SLC2A11: variants seen among roughly 807,000 people sequenced by gnomAD.
SLC2A11 encodes solute carrier family 2 member 11.
In SLC2A11, 43 loss-of-function variants were observed where a neutral mutation model predicts 52.1. The ratio of observed to expected loss-of-function variants is 0.82; its 90% CI spans 0.65 to 1.06. The LOEUF (loss-of-function observed/expected upper bound fraction) is 1.06, where lower values mean the gene tolerates loss of function less well. Among genes scored for constraint, SLC2A11 ranks in the 50% least tolerant of loss-of-function variants. The pLI is 0.00. For synonymous variants in SLC2A11, 261 were observed against 277.6 expected, an observed-to-expected ratio of 0.94 and a Z score of 0.59; for missense variants, 582 against 654.2, an observed-to-expected ratio of 0.89 and a Z score of 1.20.
intron 2 of SLC2A11, 97 bp from the exon 3 acceptor site, chr22:23,868,384 C>T: frequency 1.4e-6 from 2 of 1,462,188 alleles, no homozygotes; most frequent in South Asian, 1.2e-5. Flanking sequence ...ATTGCCTGTT[C>T]TGCAGAGGCA....
chr22:23,862,062 A>G (rs1312931905), intron 1 of SLC2A11, 42 bp from the exon 2 acceptor site: 1 of 1,527,970 alleles, frequency 6.5e-7, no homozygotes, highest in Non-Finnish European at 9.1e-7. Context: ...GAGGGGGTGG[A>G]GGCTGTTGTT....
chr22:23,868,273 T>C (rs978054902), intron 2 of SLC2A11: 10 of 581,888 alleles, frequency 1.7e-5, no homozygotes, highest in Admixed American at 3.0e-5. Context: ...CTGAGAGATA[T>C]TGCCCATGAA....
intron 1 of SLC2A11, 53 bp downstream of exon 1, chr22:23,858,082 A>G: frequency 2.6e-6 from 4 of 1,550,888 alleles, no homozygotes; most frequent in Non-Finnish European, 3.5e-6. Flanking sequence ...GGGATTGCGG[A>G]CCTGAGTGAA....
intron 3 of SLC2A11, chr22:23,872,757 G>A (rs1276684528): frequency 1.3e-5 from 2 of 152,340 alleles, no homozygotes; most frequent in East Asian, 1.9e-4. Flanking sequence ...GCAGCAATTT[G>A]TCATGCACTT....
intron 3 of SLC2A11, among the ~76,000 whole-genome samples, chr22:23,874,831 C>G (rs1047398651): frequency 2.0e-5 from 3 of 151,190 alleles, no homozygotes; most frequent in East Asian, 1.9e-4. Context: ...GTGATCTGCC[C>G]GCTTCAACCT....
At chr22:23,868,340 CA>C in intron 2 of SLC2A11, 140 bp from the exon 3 acceptor site, 1 of 1,019,644 alleles carries the variant, frequency 9.8e-7, no homozygotes, top group Admixed American at 2.4e-5. Context: ...GTTCCTGCTC[CA>C]GGGGGAGCTC....
Position 23,885,053 on chromosome 22 carries a change from A to G in SLC2A11, c.*204A>G, listed in dbSNP as rs991296508. On this transcript the variant is annotated 3_prime_UTR_variant, in exon 12 of 12. Coordinates refer to ENST00000316185, the MANE Select transcript of SLC2A11 (RefSeq NM_001024939.4). ...AAAGGTAATTAACTGACAGAAAATCAGTAACAACATAATTACAGGCTGGTT... is the reference window on the plus strand; with the variant it reads ...AAAGGTAATTAACTGACAGAAAATCGGTAACAACATAATTACAGGCTGGTT... 1 of 574,742 alleles carries G rather than the reference A, an allele frequency of 1.7e-6. No individual in the cohort carries two copies. The highest frequency in any genetic ancestry group is 3.1e-6 in the Non-Finnish European group (1 of 324,624). 35.6% of individuals were successfully genotyped at this position (574,742 alleles called of 1,614,324 possible).
At chr22:23,857,773 C>T (rs2031902102), upstream of SLC2A11, 1 of 1,415,892 alleles carries the variant, frequency 7.1e-7, no homozygotes, top group East Asian at 2.5e-5. Context: ...TTGCGCGAAC[C>T]CTCAGCTGGT....
intron 4 of SLC2A11, among the ~76,000 whole-genome samples, chr22:23,876,129 G>C (rs1392199125): frequency 6.6e-6 from 1 of 152,120 alleles, no homozygotes; most frequent in Non-Finnish European, 1.5e-5. Context: ...GGGAGACAGG[G>C]AGACAGAGAG....
rs1388897195 is a variant in SLC2A11, at chr22:23,884,365, T to C, written c.1235T>C (p.Met412Thr). The change falls in exon 11 of 12, where the codon ATG becomes ACG. Residue 412 changes from methionine to threonine, a missense_variant. Physicochemically the swap from Met to Thr is moderately conservative, Grantham distance 81. Coordinates refer to ENST00000316185, the MANE Select transcript of SLC2A11 (RefSeq NM_001024939.4). The surrounding 1 kb of genome is among the most constrained non-coding windows in gnomAD (Gnocchi z 4.3). The part of the protein sequence containing the change: ...FDQMARPAAC[M>T]VCGALMWIML... ...CAGATGGCCAGGCCTGCTGCCTGCATGGTCTGCGGGGCGCTCATGTGGATC... is the reference window on the plus strand; with the variant it reads ...CAGATGGCCAGGCCTGCTGCCTGCACGGTCTGCGGGGCGCTCATGTGGATC... 5 of 1,613,902 alleles carry C rather than the reference T, an allele frequency of 3.1e-6. No individual in the cohort carries two copies. The South Asian group carries it at 3.3e-5, about 11-fold the overall frequency.
In SLC2A11 at chr22:23,882,825, A is replaced by C. The variant is rs772566947; in HGVS notation, c.949A>C (p.Ile317Leu). ...GVPEAKIQYAIIGTGSCELLT... is the reference protein window; with the variant it reads ...GVPEAKIQYALIGTGSCELLT... Reference sequence around the variant, plus strand: ...GCCGGAAGCGAAGATCCAGTACGCGATCATCGGGACTGGGAGCTGCGAGCT... The same window carrying C: ...GCCGGAAGCGAAGATCCAGTACGCGCTCATCGGGACTGGGAGCTGCGAGCT... Residue 317 changes from isoleucine to leucine, a missense_variant, in exon 8 of 12, where the codon ATC becomes CTC. Physicochemically the swap from Ile to Leu is conservative, Grantham distance 5 (BLOSUM62 2). Coordinates refer to ENST00000316185, the MANE Select transcript of SLC2A11 (RefSeq NM_001024939.4). The C allele has an allele frequency of 6.2e-7, 1 of 1,613,820 alleles. No homozygotes were observed. The highest frequency in any genetic ancestry group is 8.5e-7 in the Non-Finnish European group (1 of 1,179,870).
intron 6 of SLC2A11, among the ~76,000 whole-genome samples, chr22:23,878,648 G>T (rs1005457176): frequency 6.6e-6 from 1 of 152,120 alleles, no homozygotes; most frequent in African/African-American, 2.4e-5. Flanking sequence ...CTCTCCCATC[G>T]CAAGGGCTGT....
intron 3 of SLC2A11, chr22:23,869,268 A>G (rs1335896116): frequency 2.0e-5 from 3 of 152,896 alleles, no homozygotes; most frequent in Non-Finnish European, 4.4e-5. Context: ...CGGGTGGATC[A>G]CCTAAGGTCA....
Position 23,875,144 on chromosome 22 carries a change from C to T in SLC2A11, c.318C>T (p.Ile106=), listed in dbSNP as rs780602707. Residue 106 remains isoleucine (I), a synonymous_variant, in exon 4 of 12, where the codon ATC becomes ATT. Transcript: ENST00000316185. ...GRKKSLLVNN[I]FVVSAAILFG... is the part of the protein sequence containing the mutation. ...AGAAGTCCCTCCTGGTGAATAACATCTTTGTGGTGTCAGCAGCAATCCTGT... is the reference window on the plus strand; with the variant it reads ...AGAAGTCCCTCCTGGTGAATAACATTTTTGTGGTGTCAGCAGCAATCCTGT... The T allele has an allele frequency of 1.3e-6, 2 of 1,594,854 alleles. No individual in the cohort carries two copies. The highest frequency in any genetic ancestry group is 2.3e-5 in the South Asian group (2 of 88,390).
intron 9 of SLC2A11, 36 bp from the exon 10 acceptor site, chr22:23,883,913 C>A: frequency 6.2e-7 from 1 of 1,610,544 alleles, no homozygotes. Context: ...CCAGGCCGGG[C>A]TGACTTCCAC....
intron 2 of SLC2A11, chr22:23,866,243 T>C (rs185904129): frequency 5.5e-4 from 83 of 152,124 alleles, no homozygotes; most frequent in Non-Finnish European, 8.8e-4. Flanking sequence ...CAATGGTCAC[T>C]CTTGAGGAGT....
Position 23,884,552 on chromosome 22 carries a change from AAG to A in SLC2A11, c.1300-94_1300-93del. 6.5e-7 allele frequency: 1 copy of A among 1,543,574 alleles called. No homozygotes were observed. The highest frequency in any genetic ancestry group is 1.3e-5 in the South Asian group (1 of 79,562). On this transcript the variant is annotated intron_variant, in intron 11 of 11. Coordinates refer to ENST00000316185, the MANE Select transcript of SLC2A11 (RefSeq NM_001024939.4). This position sits in a 1 kb window ranked among gnomAD's most constrained non-coding sequence, Gnocchi z 4.3. ...GAAAGGGAGGGGTCTTAGGGGAGCA[AAG>A]AGGGGGGCAAATGCCTCCTCACGAC...
chr22:23,862,633 T>C (rs1369446970), intron 2 of SLC2A11, among the ~76,000 whole-genome samples: 1 of 152,202 alleles, frequency 6.6e-6, no homozygotes, highest in Non-Finnish European at 1.5e-5. Context: ...AAATTTTTTT[T>C]TTTTTTCGAG....
upstream of SLC2A11, chr22:23,857,580 C>G (rs771957535): frequency 2.7e-6 from 4 of 1,478,530 alleles, no homozygotes; most frequent in South Asian, 1.2e-5. Context: ...ACCCCAAACC[C>G]CCCCCCCGCG....
Sources: allele counts gnomAD v4.1 joint callset (sites outside exome capture counted in the v4.1 genomes callset), GRCh38; gene constraint gnomAD v4.1.1; non-coding constraint Gnocchi (gnomAD v3.1); transcripts MANE v1.5; gene names NCBI Gene and HGNC (gene_info 2026-07-23, HGNC 2026-07-21).